The following PPEF1 variants were observed in gnomAD, a reference collection of about 807,000 sequenced individuals.
PPEF1 encodes the protein protein phosphatase with EF-hand domain 1, also known as serine/threonine-protein phosphatase with EF-hands 1.
A neutral mutation model predicts 53.3 loss-of-function variants in PPEF1; 12 were observed. The observed-to-expected ratio is 0.23, with a 90% CI of 0.14 to 0.36. PPEF1 has a LOEUF of 0.36. Among genes scored for constraint, PPEF1 ranks in the 10% least tolerant of loss-of-function variants. The pLI is 1.00. For missense variants in PPEF1, 334 were observed against 490.4 expected (o/e 0.68, Z 3.01); for synonymous variants, 165 against 176.7 (o/e 0.93, Z 0.52).
chrX:18,753,337 G>A (rs1445483929), intron 4 of PPEF1, among the ~76,000 whole-genome samples: 3 of 111,412 alleles, frequency 2.7e-5, no homozygotes, highest in Non-Finnish European at 3.8e-5. Flanking sequence ...AAGGTTGATG[G>A]TAATGTCCCC....
chrX:18,823,154 G>A (rs772048541), intron 13 of PPEF1, among the ~76,000 whole-genome samples: 1 of 111,252 alleles, frequency 9.0e-6, no homozygotes, highest in East Asian at 2.8e-4. Flanking sequence ...TTCAATAAAC[G>A]ATGCTGGGCC....
intron 12 of PPEF1, among the ~76,000 whole-genome samples, chrX:18,811,817 G>A (rs2046817102): frequency 9.2e-6 from 1 of 108,956 alleles, no homozygotes; most frequent in Non-Finnish European, 1.9e-5. Flanking sequence ...ATGTTGCCCA[G>A]GCTGATCTTG....
intron 2 of PPEF1, among the ~76,000 whole-genome samples, chrX:18,685,306 A>G (rs1347855445): frequency 8.9e-6 from 1 of 112,385 alleles, no homozygotes; most frequent in Non-Finnish European, 1.9e-5. Flanking sequence ...CTACAGTAAT[A>G]AAAGCAAAAC....
chrX:18,740,440 C>T (rs187255412), intron 3 of PPEF1, among the ~76,000 whole-genome samples: 4,944 of 104,639 alleles, frequency 0.047, 313 homozygotes, highest in African/African-American at 0.16. Context: ...GACAGAGTCT[C>T]GCTCTGTTTC....
At chrX:18,697,663 A>T (rs5909203) in intron 4 of PPEF1, among the ~76,000 whole-genome samples, 52,211 of 109,958 alleles carry the variant, frequency 0.47, 9,314 homozygotes, top group African/African-American at 0.55. Flanking sequence ...GATATTTATT[A>T]TGTGCCTGGC....
intron 1 of PPEF1, among the ~76,000 whole-genome samples, chrX:18,716,651 T>G (rs2044464824): frequency 9.1e-6 from 1 of 110,464 alleles, no homozygotes; most frequent in Non-Finnish European, 1.9e-5. Context: ...TACTGTGATG[T>G]ATATTTCAGT....
chrX:18,736,282 CATT>C (rs762319376), intron 3 of PPEF1, among the ~76,000 whole-genome samples: 2 of 111,286 alleles, frequency 1.8e-5, no homozygotes, highest in South Asian at 7.6e-4. Context: ...AAATAGCTGT[CATT>C]ATTTTGAGAT....
chrX:18,741,923 G>T (rs1023740277), intron 3 of PPEF1, among the ~76,000 whole-genome samples: 1 of 108,929 alleles, frequency 9.2e-6, no homozygotes, highest in Non-Finnish European at 1.9e-5. Context: ...CATGCCTCCC[G>T]AGTAGCTGGG....
At chrX:18,768,111 G>A (rs943356379) in intron 6 of PPEF1, among the ~76,000 whole-genome samples, 7 of 111,965 alleles carry the variant, frequency 6.3e-5, no homozygotes, top group African/African-American at 2.3e-4. Flanking sequence ...CTAATCTTTT[G>A]TTTAGAAGTA....
At chrX:18,708,238 ATATC>A (rs1034479743) in intron 1 of PPEF1, among the ~76,000 whole-genome samples, 2 of 112,122 alleles carry the variant, frequency 1.8e-5, no homozygotes, top group East Asian at 2.8e-4. Context: ...CATTATTTCT[ATATC>A]TATTCAACAC....
At chrX:18,727,487 T>A (rs886962590) in intron 1 of PPEF1, among the ~76,000 whole-genome samples, 1 of 110,928 alleles carries the variant, frequency 9.0e-6, no homozygotes, top group Non-Finnish European at 1.9e-5. Flanking sequence ...AACCATTTTT[T>A]TTCTCCACTC....
chrX:18,796,440 C>T (rs1197966987), intron 10 of PPEF1, among the ~76,000 whole-genome samples: 4 of 112,566 alleles, frequency 3.6e-5, no homozygotes, highest in Non-Finnish European at 7.5e-5. Flanking sequence ...AAGTAGCTTT[C>T]GTTTTCAGAT....
At chrX:18,691,181 C>CT (rs1355102306) in intron 4 of PPEF1, 1 of 111,759 alleles carries the variant, frequency 8.9e-6, no homozygotes, top group Non-Finnish European at 1.9e-5. Context: ...CCTGTGGCCT[C>CT]TGTCTGTTTA....
chrX:18,761,268 G>A (rs2045658081), intron 5 of PPEF1, among the ~76,000 whole-genome samples: 1 of 111,812 alleles, frequency 8.9e-6, no homozygotes, highest in Non-Finnish European at 1.9e-5. Context: ...AAAACCCTTA[G>A]CACAGTGCTT....
At chrX:18,764,228 G>A (rs994574030) in intron 6 of PPEF1, among the ~76,000 whole-genome samples, 1 of 111,536 alleles carries the variant, frequency 9.0e-6, no homozygotes, top group African/African-American at 3.3e-5. Context: ...GATGAGGTGG[G>A]CAAGGACCTG....
chrX:18,679,393 G>A (rs907010198), upstream of PPEF1, among the ~76,000 whole-genome samples: 5 of 111,573 alleles, frequency 4.5e-5, no homozygotes, highest in South Asian at 3.7e-4. Context: ...TTTCTTTATC[G>A]CAGATAATGG....
At chrX:18,744,741 T>C (rs1216078758) in intron 3 of PPEF1, among the ~76,000 whole-genome samples, 2 of 110,712 alleles carry the variant, frequency 1.8e-5, no homozygotes, top group African/African-American at 6.5e-5. Context: ...TTGAATTATG[T>C]CAATTTATCT....
chrX:18,697,512 C>T (rs1031766337), intron 4 of PPEF1, among the ~76,000 whole-genome samples: 2 of 110,811 alleles, frequency 1.8e-5, no homozygotes, highest in Admixed American at 1.9e-4. Context: ...CATCAGGTCT[C>T]GGCCCGTGCA....
At chrX:18,820,060 T>C (rs1424819491) in intron 13 of PPEF1, among the ~76,000 whole-genome samples, 1 of 111,319 alleles carries the variant, frequency 9.0e-6, no homozygotes, top group Non-Finnish European at 1.9e-5. Flanking sequence ...ACACCAAACA[T>C]TGGAAATTAA....
Sources: gnomAD v4.1 joint callset for allele counts (sites outside exome capture counted in the v4.1 genomes callset) on GRCh38, gnomAD v4.1.1 for gene constraint, MANE v1.5 for transcripts, NCBI Gene and HGNC (gene_info 2026-07-23, HGNC 2026-07-21) for gene names.